The following TMEM51 variants were observed in gnomAD, a reference collection of about 807,000 sequenced individuals.
The protein encoded by TMEM51 is transmembrane protein 51.
TMEM51 carries 8 observed loss-of-function variants against 13.6 expected under a neutral mutation model. The observed-to-expected ratio is 0.59, with a 90% confidence interval of 0.35 to 1.07. The LOEUF (loss-of-function observed/expected upper bound fraction) is 1.07. Among genes scored for constraint, TMEM51 ranks in the 50% least tolerant of loss-of-function variants. TMEM51 has a pLI of 0.02. For synonymous variants in TMEM51, 147 were observed against 144.4 expected, an observed-to-expected ratio of 1.02 and a Z score of -0.13; for missense variants, 279 against 330.7, an observed-to-expected ratio of 0.84 and a Z score of 1.21.
chr1:15,173,214 C>CTT (rs3078132), intron 1 of TMEM51, among the ~76,000 whole-genome samples: 5 of 97,030 alleles, frequency 5.2e-5, no homozygotes, highest in African/African-American at 1.6e-4. Flanking sequence ...TGATCATATT[C>CTT]TTTTTTTTTT....
At position 15,190,562 on chromosome 1, in the gene TMEM51, T is replaced by TA. The variant is rs1573417069; in HGVS notation, c.-266-19928_-266-19927insA. 2.0e-5 allele frequency among the ~76,000 whole-genome samples: 3 copies of TA among 152,244 alleles called. No homozygotes were observed. In the East Asian group the frequency reaches 5.8e-4, roughly 29 times the overall value. On this transcript the variant is annotated intron_variant, in intron 1 of 3. Coordinates refer to ENST00000376008, the MANE Select transcript of TMEM51 (RefSeq NM_001136218.2). ...TTTAAATTATACAGGATTGTGCCTGTGGCCCTTGTGGTAGGCTAAATAATG... is the reference window on the plus strand; with the variant it reads ...TTTAAATTATACAGGATTGTGCCTGTAGGCCCTTGTGGTAGGCTAAATAATG...
intron 1 of TMEM51, among the ~76,000 whole-genome samples, chr1:15,201,624 G>A (rs553575260): frequency 2.0e-5 from 3 of 152,244 alleles, no homozygotes; most frequent in South Asian, 2.1e-4. Context: ...CCCAGGACTC[G>A]AGAAAGCAGC....
Position 15,215,055 on chromosome 1 carries a change from C to T in TMEM51, c.-33C>T. 1.3e-6 allele frequency: 2 copies of T among 1,569,850 alleles called. No individual in the cohort carries two copies. The highest frequency in any genetic ancestry group is 1.7e-4 in the Middle Eastern group (1 of 5,844). On this transcript the variant is annotated 5_prime_UTR_variant, in exon 3 of 4. Transcript: ENST00000376008. ...TGCCTTGTATACATTTATTTTCTTT[C>T]TTGGAACTGGGCCTCGCCCTCCTCC...
At chr1:15,188,302 C>G (rs1468704096) in intron 1 of TMEM51, among the ~76,000 whole-genome samples, 2 of 152,176 alleles carry the variant, frequency 1.3e-5, no homozygotes, top group Admixed American at 6.5e-5. Context: ...AGTGTTTCCC[C>G]CAAAGCAAAG....
chr1:15,163,289 GC>G (rs1642856107), intron 1 of TMEM51, among the ~76,000 whole-genome samples: 1 of 151,972 alleles, frequency 6.6e-6, no homozygotes, highest in Non-Finnish European at 1.5e-5. Context: ...TGAAATCTTT[GC>G]CCCTTCCCTA....
chr1:15,202,544 T>C (rs1230399404), intron 1 of TMEM51, among the ~76,000 whole-genome samples: 1 of 152,150 alleles, frequency 6.6e-6, no homozygotes, highest in African/African-American at 2.4e-5. Flanking sequence ...CTTCTTGCCT[T>C]TTCCAGCTCC....
At chr1:15,162,457 C>T (rs914549249) in intron 1 of TMEM51, among the ~76,000 whole-genome samples, 6 of 152,062 alleles carry the variant, frequency 3.9e-5, no homozygotes, top group Admixed American at 3.3e-4. Context: ...CCACCGCATC[C>T]AGCCTGGGGA....
intron 1 of TMEM51, among the ~76,000 whole-genome samples, chr1:15,203,086 A>T (rs1395958242): frequency 6.6e-6 from 1 of 152,240 alleles, no homozygotes; most frequent in East Asian, 1.9e-4. Flanking sequence ...CTTCAGCTTT[A>T]TGGTCCCTGA....
chr1:15,174,810 T>C (rs1381396376), intron 1 of TMEM51, among the ~76,000 whole-genome samples: 1 of 152,206 alleles, frequency 6.6e-6, no homozygotes, highest in Non-Finnish European at 1.5e-5. Flanking sequence ...TCACATGAAC[T>C]TTCCTTGATG....
Position 15,215,263 on chromosome 1 carries a change from A to G in TMEM51, c.176A>G (p.Lys59Arg). The change falls in exon 3 of 4, where the codon AAG becomes AGG. Residue 59 changes from lysine to arginine, a missense_variant. By Grantham distance (26) the Lys-to-Arg change is conservative. Coordinates refer to ENST00000376008, the MANE Select transcript of TMEM51 (RefSeq NM_001136218.2). ...ACCGAGGTGGGTGGCGGCATCCTCAAGAGCAAGACCTTCTCTGTGGCCTAC... is the reference window on the plus strand; with the variant it reads ...ACCGAGGTGGGTGGCGGCATCCTCAGGAGCAAGACCTTCTCTGTGGCCTAC... ...NKTEVGGGIL[K>R]SKTFSVAYVL... The G allele has an allele frequency of 6.2e-7, 1 of 1,614,250 alleles. No homozygotes were observed. The highest frequency in any genetic ancestry group is 8.5e-7 in the Non-Finnish European group (1 of 1,180,042).
At chr1:15,167,043 A>AGG (rs1557833165) in intron 1 of TMEM51, among the ~76,000 whole-genome samples, 3 of 152,136 alleles carry the variant, frequency 2.0e-5, no homozygotes, top group African/African-American at 7.2e-5. Context: ...ATACATTTGA[A>AGG]ATGGCTGGGT....
Position 15,219,347 on chromosome 1 carries a change from T to C in TMEM51, c.366T>C (p.Asp122=). ...GCAGCCAGGAGGAAGAAGAGGAGGA[T>C]GAGGAGGCTGCCTCAAGGTACTATG... ...EEDSQEEEEE[D]EEAASRYYVP... Residue 122 remains aspartate, a synonymous_variant, in exon 4 of 4, where the codon GAT becomes GAC. Coordinates refer to ENST00000376008, the MANE Select transcript of TMEM51 (RefSeq NM_001136218.2). 6.3e-7 allele frequency: 1 copy of C among 1,590,026 alleles called. No individual in the cohort carries two copies. Among genetic ancestry groups the C allele is most frequent in the Middle Eastern group, 1.7e-4 (1 of 5,962 alleles).
rs139928674 is a variant in TMEM51 at position 15,169,050 on chromosome 1, T to A, written c.-267+15096T>A. ...TTAAGGCACTCCAGTTACATTTTCATATATTGGGTGGGAAGGTGGGGTCTT... is the reference window on the plus strand; with the variant it reads ...TTAAGGCACTCCAGTTACATTTTCAAATATTGGGTGGGAAGGTGGGGTCTT... On this transcript the variant is annotated intron_variant, in intron 1 of 3. Coordinates refer to ENST00000376008, the MANE Select transcript of TMEM51 (RefSeq NM_001136218.2). 1.8e-3 allele frequency among the ~76,000 whole-genome samples: 280 copies of A among 152,252 alleles called. 4 individuals are homozygous for A. In the South Asian group the frequency reaches 0.025, roughly 14 times the overall value.
chr1:15,215,102 C>G lies in TMEM51; in HGVS notation c.15C>G (p.Ser5=), dbSNP rs535574712. The G allele has an allele frequency of 6.8e-6, 11 of 1,610,864 alleles. No homozygotes were observed. The South Asian group carries it at 1.1e-4, about 16-fold the overall frequency. MMAQ[S]KANGSHYALT... is the part of the protein sequence containing the mutation. ...CTCCCACTGACATGATGGCCCAGTC[C>G]AAGGCCAATGGCTCGCACTATGCGC... Residue 5 remains serine, a synonymous_variant, in exon 3 of 4, where the codon TCC becomes TCG. Coordinates refer to ENST00000376008, the MANE Select transcript of TMEM51 (RefSeq NM_001136218.2).
chr1:15,217,645 A>G (rs1463226178), intron 3 of TMEM51, among the ~76,000 whole-genome samples: 3 of 152,174 alleles, frequency 2.0e-5, no homozygotes, highest in African/African-American at 7.2e-5. Flanking sequence ...GTGAGGGTAT[A>G]GATCCTAGTC....
At chr1:15,159,227 A>C (rs903821935) in intron 1 of TMEM51, among the ~76,000 whole-genome samples, 1 of 152,182 alleles carries the variant, frequency 6.6e-6, no homozygotes, top group Non-Finnish European at 1.5e-5. Context: ...TAGCCTCCTC[A>C]ATTCCTAGAA....
Position 15,207,834 on chromosome 1 carries a change from T to C in TMEM51, c.-266-2656T>C, listed in dbSNP as rs537709182. Among the ~76,000 whole-genome samples, 7 of 152,348 alleles carry C rather than the reference T, an allele frequency of 4.6e-5. No homozygotes were observed. The highest frequency in any genetic ancestry group is 1.7e-4 in the African/African-American group (7 of 41,574). ...GGAAATCACATTTATTCTGCATATT[T>C]TCCTCATGTTGCCGGCAAATTATTT... On this transcript the variant is annotated intron_variant, in intron 1 of 3. Coordinates refer to ENST00000376008, the MANE Select transcript of TMEM51 (RefSeq NM_001136218.2). The surrounding 1 kb of genome is among the most constrained non-coding windows in gnomAD (Gnocchi z 4.6).
intron 1 of TMEM51, among the ~76,000 whole-genome samples, chr1:15,160,706 AATT>A (rs1293931156): frequency 1.3e-5 from 2 of 152,038 alleles, no homozygotes; most frequent in African/African-American, 4.8e-5. Context: ...GCCTGTGGGT[AATT>A]ATTGTTTTCA....
At chr1:15,205,494 G>A (rs1644233497) in intron 1 of TMEM51, among the ~76,000 whole-genome samples, 1 of 152,176 alleles carries the variant, frequency 6.6e-6, no homozygotes, top group Non-Finnish European at 1.5e-5. Flanking sequence ...AGAGCTGCAT[G>A]CGTATCTTCC....
Sources: allele counts gnomAD v4.1 joint callset (sites outside exome capture counted in the v4.1 genomes callset), GRCh38; gene constraint gnomAD v4.1.1; non-coding constraint Gnocchi (gnomAD v3.1); transcripts MANE v1.5; gene names NCBI Gene and HGNC (gene_info 2026-07-23, HGNC 2026-07-21).